TAOK3: variants seen among roughly 807,000 people sequenced by gnomAD.
TAOK3 encodes the protein TAO kinase 3.
In TAOK3, 40 loss-of-function variants were observed where a neutral mutation model predicts 120.4. That is an observed-to-expected ratio of 0.33 (90% CI 0.26 to 0.43). The LOEUF is 0.43. TAOK3 is among the 20% of genes least tolerant of loss of function. The pLI, the probability that TAOK3 is intolerant of heterozygous loss-of-function variation, is 1.00. For missense variants in TAOK3, 821 were observed against 1,112.1 expected (o/e 0.74, Z 3.72); for synonymous variants, 355 against 387.5 (o/e 0.92, Z 0.99).
intron 2 of TAOK3, among the ~76,000 whole-genome samples, chr12:118,265,038 G>C (rs2041384294): frequency 1.3e-5 from 2 of 151,534 alleles, no homozygotes; most frequent in South Asian, 4.2e-4. Context: ...TGTCTCAAAA[G>C]AAAAAAATAC....
intron 1 of TAOK3, among the ~76,000 whole-genome samples, chr12:118,271,162 A>G (rs991292063): frequency 1.3e-5 from 2 of 152,142 alleles, no homozygotes; most frequent in African/African-American, 4.8e-5. Flanking sequence ...TTGAGATATA[A>G]TTCACCTATC....
intron 1 of TAOK3, among the ~76,000 whole-genome samples, chr12:118,341,655 A>G (rs1013651741): frequency 1.3e-5 from 2 of 152,300 alleles, no homozygotes; most frequent in African/African-American, 2.4e-5. Flanking sequence ...GCCTTTTATC[A>G]AAACACTTCC....
At chr12:118,336,449 C>A (rs1209628654) in intron 1 of TAOK3, among the ~76,000 whole-genome samples, 1 of 151,878 alleles carries the variant, frequency 6.6e-6, no homozygotes, top group Non-Finnish European at 1.5e-5. Flanking sequence ...CAAAAATTAA[C>A]TCAAAATCAA....
chr12:118,338,477 A>T (rs1476535362), intron 1 of TAOK3, among the ~76,000 whole-genome samples: 1 of 152,154 alleles, frequency 6.6e-6, no homozygotes, highest in East Asian at 1.9e-4. Context: ...AATACAGTAC[A>T]AAAGGTGTTT....
chr12:118,347,764 C>G (rs946729504), intron 1 of TAOK3, among the ~76,000 whole-genome samples: 1 of 152,192 alleles, frequency 6.6e-6, no homozygotes, highest in South Asian at 2.1e-4. Flanking sequence ...GCTCTCTATG[C>G]CAAGCCGTTA....
intron 1 of TAOK3, among the ~76,000 whole-genome samples, chr12:118,321,348 C>T (rs558679822): frequency 1.3e-5 from 2 of 152,220 alleles, no homozygotes; most frequent in South Asian, 4.1e-4. Context: ...GCAACCTCGA[C>T]CTGCCAGGCT....
chr12:118,280,744 G>A (rs2042071134), intron 1 of TAOK3, among the ~76,000 whole-genome samples: 1 of 152,214 alleles, frequency 6.6e-6, no homozygotes, highest in African/African-American at 2.4e-5. Flanking sequence ...AATGTCATTG[G>A]TAGTTTGATA....
At chr12:118,331,369 G>A (rs1222745218) in intron 1 of TAOK3, among the ~76,000 whole-genome samples, 1 of 152,124 alleles carries the variant, frequency 6.6e-6, no homozygotes, top group Admixed American at 6.6e-5. Context: ...TAATGGCTAG[G>A]CATGGTGGCT....
chr12:118,242,882 AATAT>A (rs1555229408), intron 5 of TAOK3, among the ~76,000 whole-genome samples: 12 of 148,978 alleles, frequency 8.1e-5, no homozygotes, highest in African/African-American at 2.7e-4. Context: ...AAACAAACAA[AATAT>A]ATATATATAT....
At chr12:118,242,110 A>G (rs2040279946) in intron 5 of TAOK3, among the ~76,000 whole-genome samples, 1 of 151,940 alleles carries the variant, frequency 6.6e-6, no homozygotes, top group Admixed American at 6.6e-5. Flanking sequence ...AAAGAGAAAA[A>G]CGAGCTTCAA....
At chr12:118,235,097 A>T (rs758446795) in intron 8 of TAOK3, among the ~76,000 whole-genome samples, 7 of 152,220 alleles carry the variant, frequency 4.6e-5, no homozygotes, top group Non-Finnish European at 8.8e-5. Context: ...AATAGGGTGA[A>T]AAACTCTGAG....
chr12:118,307,899 A>G (rs2043109086), intron 1 of TAOK3, among the ~76,000 whole-genome samples: 1 of 152,166 alleles, frequency 6.6e-6, no homozygotes, highest in Admixed American at 6.5e-5. Flanking sequence ...GTTTGACACT[A>G]CATGATAGTT....
In TAOK3 at chr12:118,357,625, A is replaced by T. The variant is rs942222635; in HGVS notation, c.-194+15023T>A. ...GTAACTTCTACTTTTCCCTTCAACG[A>T]GTGTCATTTTGGCAGGCAGCCATAT... On this transcript the variant is annotated intron_variant, in intron 1 of 20. Coordinates refer to ENST00000392533, the MANE Select transcript of TAOK3 (RefSeq NM_016281.4). Among the ~76,000 whole-genome samples, 10 of 152,200 alleles carry T rather than the reference A, an allele frequency of 6.6e-5. No individual in the cohort carries two copies. The East Asian group carries it at 1.7e-3, about 26-fold the overall frequency.
At chr12:118,340,992 ATT>A (rs1181293202) in intron 1 of TAOK3, among the ~76,000 whole-genome samples, 11 of 140,656 alleles carry the variant, frequency 7.8e-5, no homozygotes, top group African/African-American at 1.6e-4. Context: ...AATATATCTA[ATT>A]TTTTTTTTTT....
chr12:118,362,580 G>C (rs951993051), intron 1 of TAOK3, among the ~76,000 whole-genome samples: 1 of 152,160 alleles, frequency 6.6e-6, no homozygotes, highest in African/African-American at 2.4e-5. Flanking sequence ...GTCGCAAATT[G>C]CCTAGATCAC....
At chr12:118,185,089 A>G (rs1381594665) in intron 14 of TAOK3, among the ~76,000 whole-genome samples, 1 of 152,020 alleles carries the variant, frequency 6.6e-6, no homozygotes, top group Non-Finnish European at 1.5e-5. Flanking sequence ...ATCCAGAAGA[A>G]GGGGCACATT....
chr12:118,242,223 C>T (rs1344259219), intron 5 of TAOK3, among the ~76,000 whole-genome samples: 1 of 152,162 alleles, frequency 6.6e-6, no homozygotes, highest in Non-Finnish European at 1.5e-5. Context: ...TTCTTGACTC[C>T]TTCAAGACAG....
intron 1 of TAOK3, among the ~76,000 whole-genome samples, chr12:118,272,851 C>T (rs1223751355): frequency 1.3e-5 from 2 of 152,028 alleles, no homozygotes; most frequent in African/African-American, 2.4e-5. Flanking sequence ...GTAGCACGTG[C>T]CTGTAGTCCC....
intron 14 of TAOK3, among the ~76,000 whole-genome samples, chr12:118,186,133 C>T (rs769958230): frequency 6.6e-5 from 10 of 152,138 alleles, no homozygotes; most frequent in Admixed American, 6.5e-5. Context: ...GCTTTTCTAT[C>T]GAATCTGGCA....
Sources: allele counts gnomAD v4.1 joint callset (sites outside exome capture counted in the v4.1 genomes callset), GRCh38; gene constraint gnomAD v4.1.1; transcripts MANE v1.5; gene names NCBI Gene and HGNC (gene_info 2026-07-23, HGNC 2026-07-21).